PDE4D: variants seen among roughly 807,000 people sequenced by gnomAD.
PDE4D encodes the protein 3',5'-cyclic-AMP phosphodiesterase 4D.
Under a neutral mutation model 87.4 loss-of-function variants are expected in PDE4D, and 24 were observed. The observed-to-expected ratio is 0.27, with a 90% CI of 0.20 to 0.39. The LOEUF (loss-of-function observed/expected upper bound fraction) is 0.39, where lower values mean the gene tolerates loss of function less well. Among genes scored for constraint, PDE4D ranks in the 10% least tolerant of loss-of-function variants. The pLI, the probability that PDE4D is intolerant of heterozygous loss-of-function variation, is 1.00. For missense variants in PDE4D, 714 were observed against 1,041.0 expected (o/e 0.69, Z 4.32); for synonymous variants, 384 against 383.2 (o/e 1.00, Z -0.02).
intron 2 of PDE4D, among the ~76,000 whole-genome samples, chr5:60,167,409 C>T (rs1783023715): frequency 6.6e-6 from 1 of 151,452 alleles, no homozygotes; most frequent in African/African-American, 2.4e-5. Context: ...GCTGGGACTA[C>T]AGGCGCCCGC....
chr5:59,010,134 TC>T (rs1291424708), intron 6 of PDE4D, among the ~76,000 whole-genome samples: 1 of 152,146 alleles, frequency 6.6e-6, no homozygotes, highest in African/African-American at 2.4e-5. Context: ...GAGATCAGCC[TC>T]GGCAATATGG....
intron 1 of PDE4D, among the ~76,000 whole-genome samples, chr5:60,311,983 C>T (rs12109374): frequency 0.088 from 13,416 of 152,206 alleles, 1,948 homozygotes; most frequent in African/African-American, 0.31. Flanking sequence ...TTCAATTCAA[C>T]ATGAAGACCT....
chr5:59,617,878 A>T (rs1829895649), intron 1 of PDE4D, among the ~76,000 whole-genome samples: 1 of 152,046 alleles, frequency 6.6e-6, no homozygotes, highest in Non-Finnish European at 1.5e-5. Flanking sequence ...TCTGACTTCA[A>T]CTCCTACCAT....
chr5:59,141,092 T>C (rs1444920878), intron 5 of PDE4D, among the ~76,000 whole-genome samples: 2 of 152,186 alleles, frequency 1.3e-5, no homozygotes, highest in Non-Finnish European at 2.9e-5. Flanking sequence ...GAGAAGAAAA[T>C]GTAAACTAAA....
intron 1 of PDE4D, among the ~76,000 whole-genome samples, chr5:60,455,670 A>G (rs1291010471): frequency 1.3e-5 from 2 of 152,218 alleles, no homozygotes; most frequent in Non-Finnish European, 2.9e-5. Context: ...TTCAATGTTC[A>G]TGAAATAATA....
At chr5:59,202,140 C>T (rs955683756) in intron 2 of PDE4D, among the ~76,000 whole-genome samples, 34 of 142,310 alleles carry the variant, frequency 2.4e-4, no homozygotes, top group African/African-American at 8.9e-4. Context: ...CCCGGGTTCA[C>T]GCCATTCTCC....
intron 1 of PDE4D, among the ~76,000 whole-genome samples, chr5:60,466,641 T>C (rs567435688): frequency 1.3e-5 from 2 of 152,328 alleles, no homozygotes; most frequent in African/African-American, 4.8e-5. Flanking sequence ...GAGATTGAAA[T>C]CACCCAAGAC....
At chr5:60,313,696 G>C (rs1755256707) in intron 1 of PDE4D, among the ~76,000 whole-genome samples, 1 of 152,088 alleles carries the variant, frequency 6.6e-6, no homozygotes, top group African/African-American at 2.4e-5. Context: ...CAAAATACTA[G>C]CAAACTATGT....
chr5:59,169,676 C>G (rs1313399893), intron 5 of PDE4D, among the ~76,000 whole-genome samples: 1 of 152,182 alleles, frequency 6.6e-6, no homozygotes, highest in Non-Finnish European at 1.5e-5. Context: ...ACTATATATA[C>G]TTTCCAGAAA....
intron 2 of PDE4D, among the ~76,000 whole-genome samples, chr5:60,161,283 G>A (rs1298180735): frequency 6.6e-6 from 1 of 152,078 alleles, no homozygotes. Flanking sequence ...TGGCTTTTGA[G>A]TTCCAAATGG....
chr5:59,836,646 C>CTATCTATCTATA (rs1561741403), intron 1 of PDE4D, among the ~76,000 whole-genome samples: 4 of 151,584 alleles, frequency 2.6e-5, no homozygotes, highest in African/African-American at 7.3e-5. Context: ...ATCTATCTAT[C>CTATCTATCTATA]TATCTATCTA....
chr5:59,341,584 C>T (rs990711779), intron 1 of PDE4D, among the ~76,000 whole-genome samples: 1 of 152,190 alleles, frequency 6.6e-6, no homozygotes, highest in Non-Finnish European at 1.5e-5. Context: ...AGATATGAGA[C>T]ATCCAATTTT....
At chr5:60,098,132 T>C (rs1775861179) in intron 2 of PDE4D, among the ~76,000 whole-genome samples, 1 of 151,912 alleles carries the variant, frequency 6.6e-6, no homozygotes, top group Non-Finnish European at 1.5e-5. Context: ...CTCTTTGCCT[T>C]GGGAAAACTC....
intron 1 of PDE4D, among the ~76,000 whole-genome samples, chr5:60,431,438 C>T (rs1290248641): frequency 1.2e-4 from 17 of 144,532 alleles, no homozygotes; most frequent in African/African-American, 3.9e-4. Context: ...CCAGACGGGG[C>T]GGCGGGGCAG....
intron 1 of PDE4D, among the ~76,000 whole-genome samples, chr5:59,681,249 C>T (rs1340977062): frequency 6.6e-6 from 1 of 152,028 alleles, no homozygotes; most frequent in Non-Finnish European, 1.5e-5. Context: ...TTGTACTGTC[C>T]AAATCCAGGA....
intron 1 of PDE4D, among the ~76,000 whole-genome samples, chr5:59,278,560 C>T (rs1581732586): frequency 6.6e-6 from 1 of 151,966 alleles, no homozygotes; most frequent in East Asian, 1.9e-4. Context: ...ATGACTATGT[C>T]ATTTGATGTT....
At chr5:59,197,301 C>T (rs1365459730) in intron 2 of PDE4D, among the ~76,000 whole-genome samples, 1 of 151,820 alleles carries the variant, frequency 6.6e-6, no homozygotes, top group Non-Finnish European at 1.5e-5. Flanking sequence ...AGCCTTTTTT[C>T]CCTATGAAAG....
At chr5:59,883,805 G>A (rs1749788123) in intron 1 of PDE4D, among the ~76,000 whole-genome samples, 2 of 152,050 alleles carry the variant, frequency 1.3e-5, no homozygotes, top group African/African-American at 2.4e-5. Context: ...CAATTACTCA[G>A]GAATTAATGA....
intron 1 of PDE4D, chr5:59,218,075 TA>T: frequency 4.8e-6 from 2 of 413,058 alleles, no homozygotes; most frequent in African/African-American, 2.1e-5. Flanking sequence ...TGGAAGACAT[TA>T]AAAACTTCTA....
Sources: allele counts gnomAD v4.1 joint callset (sites outside exome capture counted in the v4.1 genomes callset), GRCh38; gene constraint gnomAD v4.1.1; transcripts MANE v1.5; gene names NCBI Gene and HGNC (gene_info 2026-07-23, HGNC 2026-07-21).